ADAMTS10: variants seen among roughly 807,000 people sequenced by gnomAD.
The protein encoded by ADAMTS10 is ADAM metallopeptidase with thrombospondin type 1 motif 10, also known as A disintegrin and metalloproteinase with thrombospondin motifs 10.
A neutral mutation model predicts 135.9 loss-of-function variants in ADAMTS10; 48 were observed. That is an observed-to-expected ratio of 0.35 (90% CI 0.28 to 0.45). The LOEUF (loss-of-function observed/expected upper bound fraction) is 0.45. Among genes scored for constraint, ADAMTS10 ranks in the 20% least tolerant of loss-of-function variants. ADAMTS10 has a pLI of 1.00. For synonymous variants in ADAMTS10, 621 were observed against 647.5 expected (o/e 0.96, Z 0.62); for missense variants, 1,131 against 1,565.2 (o/e 0.72, Z 4.68).
At chr19:8,590,176 T>C (rs567685203) in intron 15 of ADAMTS10, among the ~76,000 whole-genome samples, 185 bp from the exon 16 acceptor site, 12 of 152,228 alleles carry the variant, frequency 7.9e-5, no homozygotes, top group Non-Finnish European at 1.3e-4. Context: ...TAGACACATC[T>C]GGGATAGGAC....
Position 8,589,548 on chromosome 19 carries a change from T to C in ADAMTS10, c.1938A>G (p.Glu646=). The change falls in exon 17 of 26, where the codon GAA becomes GAG. Residue 646 remains glutamate (E), a synonymous_variant. Transcript: ENST00000597188. ...CCCTCTCCGTGTAGAAGTTGAAGCC[T>C]TCCGCTAGGCACGTGAGCGAGCAGG... ...VKACSLTCLA[E]GFNFYTERAA... The C allele has an allele frequency of 6.2e-7, 1 of 1,613,416 alleles. No individual in the cohort carries two copies. The highest frequency in any genetic ancestry group is 1.1e-5 in the South Asian group (1 of 91,086).
chr19:8,589,641 T>A, intron 16 of ADAMTS10, 56 bp from the exon 17 acceptor site: 1 of 1,608,680 alleles, frequency 6.2e-7, no homozygotes, highest in Non-Finnish European at 8.5e-7. Context: ...ACTCTTTGCT[T>A]GCTCCCTGGG....
At chr19:8,590,584 A>G (rs904185064) in intron 15 of ADAMTS10, among the ~76,000 whole-genome samples, 2 of 151,676 alleles carry the variant, frequency 1.3e-5, no homozygotes, top group African/African-American at 4.8e-5. Flanking sequence ...TCAGCCTCCC[A>G]AGTAGCTGGG....
chr19:8,605,426 G>T lies in ADAMTS10; in HGVS notation c.89-68C>A, dbSNP rs1555742402. ...TTGGACCCCTGTGTCCTGGCTGTTAGGCTGCTGGAGCAAGTGATGCTGGCC... is the reference window on the plus strand; with the variant it reads ...TTGGACCCCTGTGTCCTGGCTGTTATGCTGCTGGAGCAAGTGATGCTGGCC... On this transcript the variant is annotated intron_variant, in intron 3 of 25. Coordinates refer to ENST00000597188, the MANE Select transcript of ADAMTS10 (RefSeq NM_030957.4). The surrounding 1 kb of genome is among the most constrained non-coding windows in gnomAD (Gnocchi z 7.7). The T allele has an allele frequency of 1.2e-5, 18 of 1,511,024 alleles. No homozygotes were observed. The highest frequency in any genetic ancestry group is 1.3e-5 in the Non-Finnish European group (14 of 1,112,886). 93.6% of individuals were successfully genotyped at this position (1,511,024 alleles called of 1,614,324 possible).
intron 6 of ADAMTS10, 136 bp from the exon 7 acceptor site, chr19:8,597,453 G>A (rs532516964): frequency 1.3e-6 from 1 of 796,082 alleles, no homozygotes; most frequent in East Asian, 2.7e-5. Flanking sequence ...CCTGCTATTA[G>A]GGTTTTTTGT....
intron 22 of ADAMTS10, among the ~76,000 whole-genome samples, 195 bp downstream of exon 22, chr19:8,585,927 C>A (rs1386798394): frequency 6.6e-6 from 1 of 152,112 alleles, no homozygotes; most frequent in African/African-American, 2.4e-5. Flanking sequence ...GGCCATGCAG[C>A]TTTGACCGCC....
chr19:8,593,660 CCA>C (rs1266696733), intron 12 of ADAMTS10: 7 of 152,192 alleles, frequency 4.6e-5, no homozygotes, highest in African/African-American at 1.7e-4. Context: ...TGGAGAAGCC[CCA>C]GTGAGTTCAG....
In ADAMTS10 at chr19:8,580,331, AG is replaced by A; in HGVS notation, c.*561del. 1 of 158,964 alleles carries A rather than the reference AG, an allele frequency of 6.3e-6. No individual in the cohort carries two copies. The highest frequency in any genetic ancestry group is 1.4e-5 in the Non-Finnish European group (1 of 71,374). 9.8% of individuals were successfully genotyped at this position (158,964 alleles called of 1,614,324 possible). A position where few individuals can be genotyped will look rare whatever the true frequency, so the allele number is the denominator to read the frequency against. ...CCAGGGCAGGGTCTGTAGCACCATG[AG>A]GGGGTGGCCTGGATGTCGGGGTGCC... On this transcript the variant is annotated 3_prime_UTR_variant, in exon 26 of 26. Transcript: ENST00000597188.
At chr19:8,583,669 A>T (rs2042383627) in intron 25 of ADAMTS10, among the ~76,000 whole-genome samples, 1 of 151,926 alleles carries the variant, frequency 6.6e-6, no homozygotes, top group Admixed American at 6.6e-5. Context: ...CTACATAGAA[A>T]AACCCCGTCT....
In ADAMTS10 at chr19:8,605,689, G is replaced by T; in HGVS notation, c.22C>A (p.Leu8Ile). 1 of 1,611,498 alleles carries T rather than the reference G, an allele frequency of 6.2e-7. No individual in the cohort carries two copies. The highest frequency in any genetic ancestry group is 8.5e-7 in the Non-Finnish European group (1 of 1,179,552). Residue 8 changes from leucine (L) to isoleucine (I), a missense_variant, in exon 3 of 26, where the codon CTC becomes ATC. Leu to Ile is a conservative substitution (Grantham distance 5). Transcript: ENST00000597188. The surrounding 1 kb of genome is among the most constrained non-coding windows in gnomAD (Gnocchi z 7.7). The stretch of plus-strand genomic sequence containing the variant: ...AGCCCCAGGGCGAGGGCCCAGCGGA[G>T]GATCTGGCAGGCGGGAGCCATAGAG... MAPACQI[L>I]RWALALGLGL...
intron 16 of ADAMTS10, 73 bp downstream of exon 16, chr19:8,589,816 T>A: frequency 6.7e-7 from 1 of 1,501,086 alleles, no homozygotes; most frequent in African/African-American, 1.4e-5. Flanking sequence ...GGATGCTGCA[T>A]TCATCCACCT....
intron 6 of ADAMTS10, 41 bp from the exon 7 acceptor site, chr19:8,597,358 G>C (rs188305158): frequency 3.2e-6 from 5 of 1,572,760 alleles, no homozygotes; most frequent in Middle Eastern, 1.7e-4. Context: ...CTTAAGAGGA[G>C]CCCAGGGTAG....
intron 18 of ADAMTS10, among the ~76,000 whole-genome samples, chr19:8,587,930 CAAAAAA>C (rs34536913): frequency 2.2e-5 from 2 of 90,762 alleles, no homozygotes; most frequent in Non-Finnish European, 2.1e-5. Flanking sequence ...GACCCCATCT[CAAAAAA>C]AAAAAAAAAA....
intron 2 of ADAMTS10, among the ~76,000 whole-genome samples, chr19:8,607,777 C>T (rs1201429879): frequency 2.0e-5 from 3 of 151,676 alleles, no homozygotes; most frequent in African/African-American, 7.3e-5. Context: ...TTTAGCTGGG[C>T]TAATGTCCAT....
At position 8,605,639 on chromosome 19, in the gene ADAMTS10, G is replaced by A. The variant is rs1555742459; in HGVS notation, c.72C>T (p.His24=). Residue 24 remains histidine (H), a synonymous_variant, in exon 3 of 26, where the codon CAC becomes CAT. Transcript: ENST00000597188. The surrounding 1 kb of genome is among the most constrained non-coding windows in gnomAD (Gnocchi z 7.7). ...LGLGLMFEVT[H]AFRSQDEFLS... ...TTCCCCTACCTTGAGACCGGAAGGCGTGCGTGACCTCGAACATGAGGCCCA... is the reference window on the plus strand; with the variant it reads ...TTCCCCTACCTTGAGACCGGAAGGCATGCGTGACCTCGAACATGAGGCCCA... 8.7e-6 allele frequency: 14 copies of A among 1,613,606 alleles called. No individual in the cohort carries two copies. The South Asian group carries it at 8.8e-5, about 10-fold the overall frequency.
intron 12 of ADAMTS10, 64 bp downstream of exon 12, chr19:8,595,698 T>TA (rs2146078951): frequency 3.5e-5 from 45 of 1,291,916 alleles, no homozygotes; most frequent in Non-Finnish European, 4.6e-5. Context: ...CTGGTGGAGT[T>TA]CCCTCCCCCA....
At chr19:8,609,282 AG>A (rs2146112472) in intron 1 of ADAMTS10, among the ~76,000 whole-genome samples, 1 of 148,336 alleles carries the variant, frequency 6.7e-6, no homozygotes, top group South Asian at 2.2e-4. Context: ...CCATTCCTCC[AG>A]CCCCTCCTCC....
intron 1 of ADAMTS10, among the ~76,000 whole-genome samples, chr19:8,609,473 G>A (rs2042757284): frequency 6.6e-6 from 1 of 152,136 alleles, no homozygotes; most frequent in African/African-American, 2.4e-5. Flanking sequence ...TGCGGGGACA[G>A]GGCCGACGGA....
At chr19:8,609,834 A>AAC (rs1243791009) in intron 1 of ADAMTS10, among the ~76,000 whole-genome samples, 2 of 151,948 alleles carry the variant, frequency 1.3e-5, no homozygotes, top group Non-Finnish European at 2.9e-5. Context: ...GCGCTCGGGC[A>AAC]CTGTAGACCC....
Sources: gnomAD v4.1 joint callset for allele counts (sites outside exome capture counted in the v4.1 genomes callset) on GRCh38, gnomAD v4.1.1 for gene constraint, Gnocchi (gnomAD v3.1) non-coding constraint, MANE v1.5 for transcripts, NCBI Gene and HGNC (gene_info 2026-07-23, HGNC 2026-07-21) for gene names.